Variants in LRP1B observed in about 807,000 individuals in gnomAD.
LRP1B encodes LDL receptor related protein 1B, also known as low-density lipoprotein receptor-related protein 1B.
LRP1B carries 217 observed loss-of-function variants against 556.6 expected under a neutral mutation model. The ratio of observed to expected loss-of-function variants is 0.39; its 90% CI spans 0.35 to 0.44. The LOEUF (loss-of-function observed/expected upper bound fraction) is 0.44. Among genes scored for constraint, LRP1B ranks in the 20% least tolerant of loss-of-function variants. The pLI is 1.00. For synonymous variants in LRP1B, 2,047 were observed against 1,865.8 expected, an observed-to-expected ratio of 1.10 and a Z score of -2.50; for missense variants, 5,053 against 5,620.8, an observed-to-expected ratio of 0.90 and a Z score of 3.23.
chr2:141,378,936 G>A lies in LRP1B; in HGVS notation c.343+101460C>T, dbSNP rs377640300. Among the ~76,000 whole-genome samples the A allele has an allele frequency of 4.9e-4, 75 of 152,094 alleles. 1 individual carries two copies. The highest frequency in any genetic ancestry group is 3.4e-3 in the Middle Eastern group (1 of 294). The stretch of plus-strand genomic sequence containing the variant: ...CGGAAATCCCAGAAAGAAAGGAGAC[G>A]AACAGGGAAGTGAGAATATTTGAAT... On this transcript the variant is annotated intron_variant, in intron 3 of 90. Coordinates refer to ENST00000389484, the MANE Select transcript of LRP1B (RefSeq NM_018557.3).
chr2:140,509,832 C>A (rs2104915896), intron 52 of LRP1B, 96 bp downstream of exon 52: 1 of 1,501,908 alleles, frequency 6.7e-7, no homozygotes, highest in East Asian at 2.3e-5. Flanking sequence ...ACTAGGAAAG[C>A]AATGGGAAAT....
At chr2:140,654,025 CAAA>C (rs61199077) in intron 41 of LRP1B, among the ~76,000 whole-genome samples, 16 of 35,400 alleles carry the variant, frequency 4.5e-4, no homozygotes, top group African/African-American at 1.3e-3. Context: ...GACTCCATCT[CAAA>C]AAAAAAAAAA....
intron 3 of LRP1B, among the ~76,000 whole-genome samples, chr2:141,266,056 G>A (rs1684875457): frequency 6.6e-6 from 1 of 152,098 alleles, no homozygotes; most frequent in African/African-American, 2.4e-5. Flanking sequence ...CAGGCGCGGT[G>A]GCTCACGCCT....
chr2:140,897,793 C>T (rs10188623), intron 23 of LRP1B, among the ~76,000 whole-genome samples: 44,312 of 151,986 alleles, frequency 0.29, 6,686 homozygotes, highest in Non-Finnish European at 0.31. Flanking sequence ...CAGGGGCTCT[C>T]GCACCTTCAG....
intron 2 of LRP1B, among the ~76,000 whole-genome samples, chr2:141,677,353 A>G (rs1371475108): frequency 6.6e-6 from 1 of 152,156 alleles, no homozygotes; most frequent in Non-Finnish European, 1.5e-5. Context: ...CATATTGTGC[A>G]AAGTTTGTCA....
At chr2:140,813,890 A>AC in intron 31 of LRP1B, 84 bp from the exon 32 acceptor site, 1 of 931,214 alleles carries the variant, frequency 1.1e-6, no homozygotes, top group Non-Finnish European at 1.6e-6. Flanking sequence ...TTGAGGGGAA[A>AC]AAAATAAGTT....
At chr2:142,000,468 T>C (rs1374596178) in intron 1 of LRP1B, among the ~76,000 whole-genome samples, 1 of 152,142 alleles carries the variant, frequency 6.6e-6, no homozygotes, top group Non-Finnish European at 1.5e-5. Flanking sequence ...TTTAGAAGAG[T>C]ACATTTTGCA....
intron 3 of LRP1B, among the ~76,000 whole-genome samples, chr2:141,369,361 G>C (rs1303960191): frequency 6.6e-6 from 1 of 151,962 alleles, no homozygotes; most frequent in Non-Finnish European, 1.5e-5. Context: ...TTAAGAATAA[G>C]ACTGAAATTC....
chr2:141,579,724 C>CTTTTTTTTTT lies in LRP1B; in HGVS notation c.206-99201_206-99192dup, dbSNP rs33913417. Among the ~76,000 whole-genome samples the CTTTTTTTTTT allele has an allele frequency of 2.3e-3, 231 of 100,926 alleles. 32 individuals carry two copies. Among genetic ancestry groups the CTTTTTTTTTT allele is most frequent in the South Asian group, 0.015 (40 of 2,720 alleles). 66.2% of individuals were successfully genotyped at this position (100,926 alleles called of 152,430 possible). Reference sequence around the variant, plus strand: ...CATAAGGAAAACATATCAGGTTTCACTTTTTTTTTTTTTTTTTTGAGACGG... The same window carrying CTTTTTTTTTT: ...CATAAGGAAAACATATCAGGTTTCACTTTTTTTTTTTTTTTTTTTTTTTTTTTTGAGACGG... On this transcript the variant is annotated intron_variant, in intron 2 of 90. Transcript: ENST00000389484.
At chr2:141,195,696 C>G (rs1401944114) in intron 6 of LRP1B, among the ~76,000 whole-genome samples, 3 of 152,052 alleles carry the variant, frequency 2.0e-5, no homozygotes, top group African/African-American at 7.2e-5. Context: ...TAAATGAACC[C>G]TGAGAAATTT....
At chr2:141,423,240 T>C (rs1048180835) in intron 3 of LRP1B, among the ~76,000 whole-genome samples, 3 of 150,570 alleles carry the variant, frequency 2.0e-5, no homozygotes, top group African/African-American at 4.9e-5. Context: ...ACTATACCTA[T>C]CTGAAATGCA....
intron 1 of LRP1B, among the ~76,000 whole-genome samples, chr2:141,979,635 C>A (rs1701987733): frequency 1.3e-5 from 2 of 151,960 alleles, no homozygotes; most frequent in Non-Finnish European, 2.9e-5. Context: ...TTTCCTTTTC[C>A]ATTAGTCAAT....
intron 79 of LRP1B, among the ~76,000 whole-genome samples, chr2:140,328,295 C>T (rs1680602055): frequency 6.6e-6 from 1 of 151,838 alleles, no homozygotes; most frequent in African/African-American, 2.4e-5. Flanking sequence ...TACATAGGCT[C>T]ACTAAGTTTT....
intron 49 of LRP1B, 127 bp from the exon 50 acceptor site, chr2:140,517,138 T>C (rs1689940681): frequency 1.5e-6 from 1 of 671,484 alleles, no homozygotes; most frequent in Admixed American, 2.8e-5. Context: ...GCTAAGATTT[T>C]CTCCTAAAGA....
Position 141,573,281 on chromosome 2 carries a change from T to G in LRP1B, c.206-92748A>C, listed in dbSNP as rs114586405. 2.9e-3 allele frequency among the ~76,000 whole-genome samples: 436 copies of G among 152,256 alleles called. 3 individuals are homozygous for G. The highest frequency in any genetic ancestry group is 0.01 in the African/African-American group (421 of 41,568). On this transcript the variant is annotated intron_variant, in intron 2 of 90. Transcript: ENST00000389484. Reference sequence around the variant, plus strand: ...AGTGCAATCTAATTCAAATTCAGAATTAATAAAGTCACTCAAAACCACACA... The same window carrying G: ...AGTGCAATCTAATTCAAATTCAGAAGTAATAAAGTCACTCAAAACCACACA...
chr2:141,712,670 T>C (rs72846591), intron 2 of LRP1B, among the ~76,000 whole-genome samples: 43,661 of 151,768 alleles, frequency 0.29, 7,612 homozygotes, highest in Non-Finnish European at 0.41. Context: ...TATCTGTCCT[T>C]TTTTTTCTTT....
chr2:141,727,448 C>T (rs1411548332), intron 2 of LRP1B, among the ~76,000 whole-genome samples: 2 of 152,164 alleles, frequency 1.3e-5, no homozygotes, highest in African/African-American at 2.4e-5. Context: ...GACTCACTAT[C>T]CAACCTGCCC....
chr2:141,237,998 C>T (rs1683721682), intron 5 of LRP1B, among the ~76,000 whole-genome samples: 1 of 151,674 alleles, frequency 6.6e-6, no homozygotes, highest in Admixed American at 6.6e-5. Flanking sequence ...TAAGGTATTT[C>T]AATAAGTACA....
At chr2:141,132,696 T>C (rs1237070767) in intron 7 of LRP1B, among the ~76,000 whole-genome samples, 1 of 151,962 alleles carries the variant, frequency 6.6e-6, no homozygotes, top group African/African-American at 2.4e-5. Flanking sequence ...AGTATTTACA[T>C]AGGGAGAATA....
Sources: gnomAD v4.1 joint callset for allele counts (sites outside exome capture counted in the v4.1 genomes callset) on GRCh38, gnomAD v4.1.1 for gene constraint, MANE v1.5 for transcripts, NCBI Gene and HGNC (gene_info 2026-07-23, HGNC 2026-07-21) for gene names.